The following CHST3 variants were observed in gnomAD, a reference collection of about 807,000 sequenced individuals.
CHST3 encodes carbohydrate sulfotransferase 3, also known as C6ST-1.
CHST3 carries 20 observed loss-of-function variants against 35.4 expected under a neutral mutation model. That is an observed-to-expected ratio of 0.57 (90% CI 0.40 to 0.82). The LOEUF is 0.82. Ranked by LOEUF, CHST3 falls within the 40% of genes least tolerant of loss-of-function variation. The pLI, the probability that CHST3 is intolerant of heterozygous loss-of-function variation, is 0.00. For synonymous variants in CHST3, 334 were observed against 295.9 expected, an observed-to-expected ratio of 1.13 and a Z score of -1.32; for missense variants, 693 against 670.1, an observed-to-expected ratio of 1.03 and a Z score of -0.38.
At chr10:71,998,072 G>A (rs953493247) in intron 1 of CHST3, among the ~76,000 whole-genome samples, 1 of 152,152 alleles carries the variant, frequency 6.6e-6, no homozygotes, top group African/African-American at 2.4e-5. Flanking sequence ...GTGGGATGTC[G>A]AGGCTGCAGT....
chr10:71,995,222 C>T (rs898374976), intron 1 of CHST3, among the ~76,000 whole-genome samples: 1 of 151,938 alleles, frequency 6.6e-6, no homozygotes, highest in African/African-American at 2.4e-5. Context: ...GTCAGGAGTT[C>T]GAGACCAGCC....
chr10:71,998,703 G>A (rs1384894550), intron 1 of CHST3, among the ~76,000 whole-genome samples: 5 of 152,196 alleles, frequency 3.3e-5, no homozygotes, highest in African/African-American at 7.2e-5. Flanking sequence ...TATGGCACTC[G>A]CCCCTTTACA....
intron 1 of CHST3, among the ~76,000 whole-genome samples, chr10:71,997,965 C>A (rs963692598): frequency 6.6e-6 from 1 of 152,120 alleles, no homozygotes; most frequent in Non-Finnish European, 1.5e-5. Flanking sequence ...CACGCCCAGT[C>A]TCCATAAATG....
chr10:72,005,520 T>G (rs1028178922), intron 1 of CHST3, among the ~76,000 whole-genome samples: 49 of 152,180 alleles, frequency 3.2e-4, no homozygotes, highest in African/African-American at 1.2e-3. Flanking sequence ...AGGGAGAAAC[T>G]GATGGAGGTG....
At chr10:71,978,371 A>G (rs1839767746) in intron 1 of CHST3, among the ~76,000 whole-genome samples, 1 of 151,964 alleles carries the variant, frequency 6.6e-6, no homozygotes, top group Non-Finnish European at 1.5e-5. Flanking sequence ...GTCTTAAAAA[A>G]AAAAAAAAAC....
chr10:71,972,002 G>A (rs1461997663), intron 1 of CHST3, among the ~76,000 whole-genome samples: 1 of 152,142 alleles, frequency 6.6e-6, no homozygotes, highest in Non-Finnish European at 1.5e-5. Flanking sequence ...TGCATCTGGT[G>A]TAGGTGCCTG....
intron 1 of CHST3, among the ~76,000 whole-genome samples, chr10:71,995,488 G>A (rs973829048): frequency 1.3e-5 from 2 of 151,762 alleles, no homozygotes; most frequent in Non-Finnish European, 1.5e-5. Flanking sequence ...TGGTGCAAGA[G>A]GCCTCACTTT....
intron 2 of CHST3, among the ~76,000 whole-genome samples, chr10:72,006,588 C>T (rs553985325): frequency 2.2e-4 from 34 of 152,300 alleles, no homozygotes; most frequent in Admixed American, 5.2e-4. Context: ...CTGGGAACGC[C>T]CCTTTACCCC....
At chr10:71,969,718 C>T (rs949145445) in intron 1 of CHST3, among the ~76,000 whole-genome samples, 2 of 152,158 alleles carry the variant, frequency 1.3e-5, no homozygotes, top group Admixed American at 6.5e-5. Flanking sequence ...CTGCAGGGGC[C>T]GGGGCTGTCC....
chr10:71,974,695 G>A (rs1234800027), intron 1 of CHST3, among the ~76,000 whole-genome samples: 1 of 152,084 alleles, frequency 6.6e-6, no homozygotes, highest in Admixed American at 6.6e-5. Flanking sequence ...ACTGTCTGCC[G>A]CCCACCTGCT....
In CHST3 at chr10:71,971,463, C is replaced by G. The variant is rs555450576; in HGVS notation, c.-108+6769C>G. 4.6e-5 allele frequency among the ~76,000 whole-genome samples: 7 copies of G among 152,346 alleles called. No individual in the cohort carries two copies. The South Asian group carries it at 1.5e-3, about 32-fold the overall frequency. On this transcript the variant is annotated intron_variant, in intron 1 of 2. Transcript: ENST00000373115. ...CATGTGTGTGCTGTTCCTGTTCACA[C>G]ATGCTGCGCCGATGCCCGCCTGTGC...
At chr10:71,985,261 G>C (rs1185934289) in intron 1 of CHST3, among the ~76,000 whole-genome samples, 2 of 152,248 alleles carry the variant, frequency 1.3e-5, no homozygotes, top group African/African-American at 2.4e-5. Context: ...AGCCTTGCAT[G>C]GTCTCATGGG....
chr10:71,986,871 C>T (rs934106700), intron 1 of CHST3, among the ~76,000 whole-genome samples: 7 of 152,326 alleles, frequency 4.6e-5, no homozygotes, highest in Admixed American at 1.3e-4. Context: ...CAATAATGCC[C>T]AGCCTGTGTG....
chr10:71,974,725 C>T (rs1839729055), intron 1 of CHST3, among the ~76,000 whole-genome samples: 1 of 152,186 alleles, frequency 6.6e-6, no homozygotes, highest in African/African-American at 2.4e-5. Context: ...CTATGGTTCT[C>T]CTGATGACCT....
At chr10:71,967,501 G>T (rs1035211278) in intron 1 of CHST3, among the ~76,000 whole-genome samples, 1 of 152,186 alleles carries the variant, frequency 6.6e-6, no homozygotes, top group Non-Finnish European at 1.5e-5. Flanking sequence ...CAAAGGACAT[G>T]ATCTCATTCT....
chr10:71,979,380 GGGGGTTAGATGGCGGGAGA>G (rs1372801417), intron 1 of CHST3, among the ~76,000 whole-genome samples: 4 of 152,088 alleles, frequency 2.6e-5, no homozygotes, highest in African/African-American at 4.8e-5. Context: ...GTCTCGGGAG[GGGGGTTAGATGGCGGGAGA>G]GGGGTTAGAT....
At chr10:71,978,398 G>T (rs1839768291) in intron 1 of CHST3, among the ~76,000 whole-genome samples, 1 of 151,660 alleles carries the variant, frequency 6.6e-6, no homozygotes, top group South Asian at 2.1e-4. Flanking sequence ...GCTCAGCTGG[G>T]CTTGGATCTC....
chr10:71,982,146 T>C (rs1839806833), intron 1 of CHST3, among the ~76,000 whole-genome samples: 1 of 152,150 alleles, frequency 6.6e-6, no homozygotes, highest in Non-Finnish European at 1.5e-5. Context: ...GTTAAGGATT[T>C]TGAGTTGAGA....
intron 1 of CHST3, among the ~76,000 whole-genome samples, chr10:71,992,904 C>G (rs1358952837): frequency 6.6e-6 from 1 of 151,988 alleles, no homozygotes; most frequent in Admixed American, 6.6e-5. Context: ...TCAGGTGATC[C>G]ACCTGCCCCG....
Sources: allele counts gnomAD v4.1 joint callset (sites outside exome capture counted in the v4.1 genomes callset), GRCh38; gene constraint gnomAD v4.1.1; transcripts MANE v1.5; gene names NCBI Gene and HGNC (gene_info 2026-07-23, HGNC 2026-07-21).